P4HA1: variants seen among roughly 807,000 people sequenced by gnomAD.
P4HA1 encodes the protein prolyl 4-hydroxylase subunit alpha 1, also known as prolyl 4-hydroxylase subunit alpha-1.
Under a neutral mutation model 72.8 loss-of-function variants are expected in P4HA1, and 24 were observed. The observed-to-expected ratio is 0.33, with a 90% CI of 0.24 to 0.46. The LOEUF (loss-of-function observed/expected upper bound fraction) is 0.46, where lower values mean the gene tolerates loss of function less well. Ranked by LOEUF, P4HA1 falls within the 20% of genes least tolerant of loss-of-function variation. P4HA1 has a pLI of 1.00. For synonymous variants in P4HA1, 201 were observed against 218.8 expected, an observed-to-expected ratio of 0.92 and a Z score of 0.72; for missense variants, 446 against 640.6, an observed-to-expected ratio of 0.70 and a Z score of 3.28.
intron 1 of P4HA1, among the ~76,000 whole-genome samples, chr10:73,093,860 A>T (rs1239854206): frequency 7.2e-5 from 5 of 69,056 alleles, no homozygotes; most frequent in African/African-American, 3.8e-4. Flanking sequence ...AAAAAAAAAA[A>T]AAAAAAAAAA....
intron 1 of P4HA1, among the ~76,000 whole-genome samples, chr10:73,080,863 G>A (rs1254058188): frequency 6.6e-6 from 1 of 152,216 alleles, no homozygotes; most frequent in African/African-American, 2.4e-5. Context: ...GGGAGGTGGA[G>A]GTTGCAGTGA....
At chr10:73,060,427 G>A (rs1191059138) in intron 5 of P4HA1, among the ~76,000 whole-genome samples, 1 of 152,158 alleles carries the variant, frequency 6.6e-6, no homozygotes, top group African/African-American at 2.4e-5. Context: ...ATCAAGCCTT[G>A]CCAGGCAAGG....
intron 5 of P4HA1, among the ~76,000 whole-genome samples, chr10:73,058,191 C>G (rs1179022901): frequency 6.7e-6 from 1 of 149,574 alleles, no homozygotes; most frequent in East Asian, 2.0e-4. Flanking sequence ...GGGACGCGCT[C>G]TAGCAGGGTG....
chr10:73,060,195 A>G (rs1267539659), intron 5 of P4HA1, among the ~76,000 whole-genome samples: 1 of 152,224 alleles, frequency 6.6e-6, no homozygotes, highest in Non-Finnish European at 1.5e-5. Flanking sequence ...TATGAATAAA[A>G]TAGTATGAGT....
chr10:73,078,715 G>A (rs1370569579), intron 1 of P4HA1, among the ~76,000 whole-genome samples: 5 of 147,856 alleles, frequency 3.4e-5, no homozygotes, highest in Admixed American at 1.4e-4. Flanking sequence ...GGGTTCAAGC[G>A]ATTCTCCTGC....
At chr10:73,060,387 G>T (rs750007261) in intron 5 of P4HA1, among the ~76,000 whole-genome samples, 46 of 152,166 alleles carry the variant, frequency 3.0e-4, no homozygotes, top group Admixed American at 3.3e-4. Context: ...GCTAGACTCT[G>T]CTGCTTAAAT....
chr10:73,021,184 G>A (rs1040491635), intron 10 of P4HA1, among the ~76,000 whole-genome samples: 5 of 152,068 alleles, frequency 3.3e-5, no homozygotes, highest in Non-Finnish European at 4.4e-5. Flanking sequence ...TGGCAAGGAT[G>A]AAGAGAAAGG....
At chr10:73,062,372 T>TA (rs1037265052) in intron 5 of P4HA1, among the ~76,000 whole-genome samples, 80 of 147,286 alleles carry the variant, frequency 5.4e-4, no homozygotes, top group African/African-American at 1.2e-3. Context: ...TCTGACACTA[T>TA]AAAAAAAAAA....
At chr10:73,045,248 AT>A (rs1391332940) in intron 8 of P4HA1, among the ~76,000 whole-genome samples, 197 bp from the exon 9 acceptor site, 2 of 150,910 alleles carry the variant, frequency 1.3e-5, no homozygotes, top group Admixed American at 6.6e-5. Flanking sequence ...TTTTTCTTCA[AT>A]TTTTTGTTTT....
intron 1 of P4HA1, among the ~76,000 whole-genome samples, chr10:73,096,455 G>A (rs1213626248): frequency 6.6e-6 from 1 of 151,940 alleles, no homozygotes; most frequent in Non-Finnish European, 1.5e-5. Context: ...ATTCCTCCCC[G>A]GGAAGGAAAA....
chr10:73,051,020 T>C (rs200245474), intron 7 of P4HA1, 33 bp downstream of exon 7: 7 of 1,478,498 alleles, frequency 4.7e-6, no homozygotes, highest in Non-Finnish European at 6.6e-6. Flanking sequence ...CACACACACA[T>C]TCACATACAC....
chr10:73,061,476 T>A (rs923103009), intron 5 of P4HA1, among the ~76,000 whole-genome samples: 2 of 152,088 alleles, frequency 1.3e-5, no homozygotes, highest in African/African-American at 2.4e-5. Flanking sequence ...AGACATAATT[T>A]AAAAAAATAC....
intron 10 of P4HA1, among the ~76,000 whole-genome samples, chr10:73,022,158 T>C (rs927193494): frequency 6.6e-6 from 1 of 152,192 alleles, no homozygotes; most frequent in Non-Finnish European, 1.5e-5. Flanking sequence ...AGGATGGCAT[T>C]TGAGCTCTGA....
chr10:73,051,298 C>T (rs1459189057), intron 6 of P4HA1, 49 bp from the exon 7 acceptor site: 4 of 984,180 alleles, frequency 4.1e-6, no homozygotes, highest in Non-Finnish European at 6.2e-6. Context: ...CATGCTTGTT[C>T]AAGCATCAGA....
chr10:73,091,826 T>C (rs1351083891), intron 1 of P4HA1, among the ~76,000 whole-genome samples: 3 of 152,194 alleles, frequency 2.0e-5, no homozygotes, highest in Non-Finnish European at 4.4e-5. Flanking sequence ...TCAAATACTA[T>C]TCTTAGTACA....
At chr10:73,027,331 A>C (rs1469915566) in intron 10 of P4HA1, among the ~76,000 whole-genome samples, 1 of 151,910 alleles carries the variant, frequency 6.6e-6, no homozygotes, top group Admixed American at 6.6e-5. Context: ...CATCATTCTC[A>C]GCAAACTCTC....
At chr10:73,035,917 A>G (rs1840559307) in intron 9 of P4HA1, among the ~76,000 whole-genome samples, 1 of 152,148 alleles carries the variant, frequency 6.6e-6, no homozygotes, top group South Asian at 2.1e-4. Context: ...GGCCAGGCGC[A>G]GTGGCTCACG....
At chr10:73,071,999 T>C (rs1176840154) in intron 4 of P4HA1, 30 bp downstream of exon 4, 1 of 1,542,474 alleles carries the variant, frequency 6.5e-7, no homozygotes, top group Non-Finnish European at 8.9e-7. Flanking sequence ...GTGGCAATAT[T>C]ACCTTACTCA....
intron 1 of P4HA1, among the ~76,000 whole-genome samples, chr10:73,087,274 T>A (rs1028244007): frequency 2.9e-4 from 43 of 150,546 alleles, no homozygotes; most frequent in South Asian, 1.1e-3. Context: ...CTTTATTTTT[T>A]TTTTTTTTTT....
Sources: allele counts gnomAD v4.1 joint callset (sites outside exome capture counted in the v4.1 genomes callset), GRCh38; gene constraint gnomAD v4.1.1; transcripts MANE v1.5; gene names NCBI Gene and HGNC (gene_info 2026-07-23, HGNC 2026-07-21).